LRRC37A: variants seen among roughly 807,000 people sequenced by gnomAD.
LRRC37A encodes the protein leucine-rich repeat-containing protein 37A.
LRRC37A carries 3 observed loss-of-function variants against 35.4 expected under a neutral mutation model. The observed-to-expected ratio is 0.08, with a 90% CI of 0.04 to 0.22. LRRC37A has a LOEUF of 0.22. LRRC37A is among the 10% of genes least tolerant of loss of function. The pLI is 1.00. For synonymous variants in LRRC37A, 23 were observed against 215.0 expected (o/e 0.11, Z 7.81); for missense variants, 67 against 565.3 (o/e 0.12, Z 8.94).
the LRRC37A span, among the ~76,000 whole-genome samples, chr17:46,282,661 A>C: frequency 6.6e-6 from 1 of 150,676 alleles, no homozygotes; most frequent in African/African-American, 2.5e-5. Context: ...GCTTCAAGCT[A>C]TTCTCCCCAC....
chr17:46,249,116 A>C, the LRRC37A span, among the ~76,000 whole-genome samples: 84 of 152,144 alleles, frequency 5.5e-4, 1 homozygote, highest in African/African-American at 1.9e-3. Context: ...GCATCTGTGG[A>C]CTTTGGTGTC....
chr17:46,258,571 C>G, the LRRC37A span, among the ~76,000 whole-genome samples: 1 of 152,118 alleles, frequency 6.6e-6, no homozygotes, highest in Non-Finnish European at 1.5e-5. Flanking sequence ...AAATGTGGAA[C>G]CAGTCCAAAT....
chr17:46,326,192 A>G (rs1355597357), intron 7 of LRRC37A, among the ~76,000 whole-genome samples: 1 of 17,610 alleles, frequency 5.7e-5, no homozygotes, highest in Admixed American at 5.4e-4. Flanking sequence ...AGCACAGGAG[A>G]CAGAGGCTGC....
the LRRC37A span, among the ~76,000 whole-genome samples, chr17:46,255,986 A>G: frequency 3.2e-3 from 489 of 152,224 alleles, 10 homozygotes; most frequent in Admixed American, 0.03. Flanking sequence ...CGGCCCCCAA[A>G]TTCTTATGTT....
At chr17:46,270,510 T>C in the LRRC37A span, among the ~76,000 whole-genome samples, 5 of 152,376 alleles carry the variant, frequency 3.3e-5, no homozygotes, top group East Asian at 7.7e-4. Context: ...TATTGCATGA[T>C]AGAATTATAG....
chr17:46,283,890 A>C, the LRRC37A span, among the ~76,000 whole-genome samples: 1 of 152,266 alleles, frequency 6.6e-6, no homozygotes, highest in Admixed American at 6.5e-5. Flanking sequence ...AGGTCTCTGC[A>C]TCATAGACAA....
At chr17:46,256,701 T>A in the LRRC37A span, among the ~76,000 whole-genome samples, 1 of 152,206 alleles carries the variant, frequency 6.6e-6, no homozygotes, top group African/African-American at 2.4e-5. Flanking sequence ...AAGGAGGCTA[T>A]GTCTGAAAGC....
chr17:46,260,367 T>C, the LRRC37A span: 2 of 1,502,628 alleles, frequency 1.3e-6, no homozygotes, highest in East Asian at 5.1e-5. Flanking sequence ...GCGGAACTCG[T>C]AGAGGCGGCC....
the LRRC37A span, chr17:46,260,401 C>T: frequency 7.0e-7 from 1 of 1,428,542 alleles, no homozygotes; most frequent in Non-Finnish European, 9.4e-7. Context: ...AGCAGGATAG[C>T]TGGTGCTCAT....
the LRRC37A span, among the ~76,000 whole-genome samples, chr17:46,263,955 C>T: frequency 2.6e-5 from 4 of 152,218 alleles, no homozygotes; most frequent in South Asian, 8.3e-4. Context: ...CCTCAGCCTC[C>T]CAAAGTGCTG....
At chr17:46,249,827 T>C in the LRRC37A span, among the ~76,000 whole-genome samples, 2 of 152,162 alleles carry the variant, frequency 1.3e-5, no homozygotes, top group Non-Finnish European at 2.9e-5. Flanking sequence ...GTTTTTGAGA[T>C]GGAGTCTCGC....
chr17:46,282,215 GC>G, the LRRC37A span, among the ~76,000 whole-genome samples: 2 of 151,986 alleles, frequency 1.3e-5, no homozygotes, highest in African/African-American at 4.8e-5. Context: ...CCATTCTCCT[GC>G]CTCAGCCTCC....
chr17:46,265,172 G>T, the LRRC37A span, among the ~76,000 whole-genome samples: 3 of 152,212 alleles, frequency 2.0e-5, no homozygotes, highest in Non-Finnish European at 4.4e-5. Context: ...AATGAGGGTA[G>T]ATTAACCCAC....
the LRRC37A span, among the ~76,000 whole-genome samples, chr17:46,261,060 G>A: frequency 2.0e-5 from 3 of 152,206 alleles, no homozygotes; most frequent in East Asian, 5.8e-4. Context: ...GAATCAGGGG[G>A]AAAGGATGGG....
the LRRC37A span, among the ~76,000 whole-genome samples, chr17:46,257,361 T>C: frequency 6.6e-6 from 1 of 150,948 alleles, no homozygotes; most frequent in Non-Finnish European, 1.5e-5. Context: ...GGCAGGAGAA[T>C]TGCTTGAACT....
In LRRC37A at chr17:46,325,547, A is replaced by G. The variant is rs1373290972; in HGVS notation, c.3053+2520A>G. Among the ~76,000 whole-genome samples, 5 of 81,930 alleles carry G rather than the reference A, an allele frequency of 6.1e-5. 2 individuals carry two copies. The highest frequency in any genetic ancestry group is 1.6e-4 in the African/African-American group (5 of 32,124). The allele number at this position is 81,930 out of a possible 152,430, so 53.7% of individuals were successfully genotyped here. On this transcript the variant is annotated intron_variant, in intron 7 of 13. Transcript: ENST00000320254. ...AACAGTTCTAGATTGAAGGAGACTA[A>G]AGAATCATGTACTAAGTGTAATGTC...
chr17:46,290,087 G>A (rs2732602), upstream of LRRC37A, among the ~76,000 whole-genome samples: 1 of 152,136 alleles, frequency 6.6e-6, no homozygotes, highest in Non-Finnish European at 1.5e-5. Flanking sequence ...CCACTGTGCT[G>A]CAATGTAGAT....
At chr17:46,327,194 G>A (rs2051783458) in intron 7 of LRRC37A, among the ~76,000 whole-genome samples, 1 of 82,136 alleles carries the variant, frequency 1.2e-5, no homozygotes, top group Admixed American at 1.2e-4. Context: ...ATACTGCATA[G>A]GTGATGTATC....
the LRRC37A span, among the ~76,000 whole-genome samples, chr17:46,274,232 T>A: frequency 2.0e-5 from 3 of 152,244 alleles, no homozygotes; most frequent in Non-Finnish European, 2.9e-5. Context: ...TTCACATACA[T>A]CCATAGTTGA....
Sources: gnomAD v4.1 joint callset for allele counts (sites outside exome capture counted in the v4.1 genomes callset) on GRCh38, gnomAD v4.1.1 for gene constraint, MANE v1.5 for transcripts, NCBI Gene and HGNC (gene_info 2026-07-23, HGNC 2026-07-21) for gene names.